The following LINGO2 variants were observed in gnomAD, a reference collection of about 807,000 sequenced individuals.
LINGO2 encodes the protein leucine-rich repeat and immunoglobulin-like domain-containing nogo receptor-interacting protein 2.
A neutral mutation model predicts 30.6 loss-of-function variants in LINGO2; 14 were observed. That is an observed-to-expected ratio of 0.46 (90% CI 0.30 to 0.72). LINGO2 has a LOEUF of 0.72. Ranked by LOEUF, LINGO2 falls within the 30% of genes least tolerant of loss-of-function variation. LINGO2 has a pLI of 0.07. For synonymous variants in LINGO2, 317 were observed against 288.5 expected (o/e 1.10, Z -1.00); for missense variants, 729 against 751.7 (o/e 0.97, Z 0.35).
At chr9:28,081,309 T>G (rs924550205) in intron 4 of LINGO2, among the ~76,000 whole-genome samples, 3 of 148,780 alleles carry the variant, frequency 2.0e-5, no homozygotes, top group Non-Finnish European at 4.5e-5. Context: ...AAAAAAAAAG[T>G]TCACATTCAC....
intron 2 of LINGO2, among the ~76,000 whole-genome samples, chr9:28,433,813 A>G (rs1823780172): frequency 6.6e-6 from 1 of 151,990 alleles, no homozygotes; most frequent in South Asian, 2.1e-4. Flanking sequence ...TATATGAAAA[A>G]GACACATGCA....
chr9:28,973,778 A>AT, the LINGO2 span, among the ~76,000 whole-genome samples: 2 of 152,178 alleles, frequency 1.3e-5, no homozygotes, highest in Non-Finnish European at 2.9e-5. Flanking sequence ...TTTACCTTAT[A>AT]ATAGTGTATC....
chr9:27,954,721 C>T (rs547900878), intron 5 of LINGO2, among the ~76,000 whole-genome samples: 2 of 152,228 alleles, frequency 1.3e-5, no homozygotes, highest in South Asian at 2.1e-4. Context: ...TAAAGACATA[C>T]CCAAGACTGG....
At chr9:28,577,962 CA>C (rs1824072726) in intron 1 of LINGO2, among the ~76,000 whole-genome samples, 1 of 151,998 alleles carries the variant, frequency 6.6e-6, no homozygotes, top group Admixed American at 6.6e-5. Context: ...GAGAAAGTGA[CA>C]GCATATGGGA....
intron 4 of LINGO2, among the ~76,000 whole-genome samples, chr9:28,236,443 A>G (rs1307568680): frequency 6.6e-6 from 1 of 152,200 alleles, no homozygotes; most frequent in Non-Finnish European, 1.5e-5. Context: ...TTAACACAGT[A>G]ATTGTAGTGT....
rs530869987 is a variant in LINGO2, at chr9:28,500,154, G to C, written c.-364-24129C>G. On this transcript the variant is annotated intron_variant, in intron 1 of 5. Transcript: ENST00000379992. The stretch of plus-strand genomic sequence containing the variant: ...AAACTCTGAATAGAGCCACTGTGTG[G>C]GTCTTCTGACTTTGAAGATTCCCAG... 1.3e-4 allele frequency among the ~76,000 whole-genome samples: 20 copies of C among 152,184 alleles called. No homozygotes were observed. The South Asian group carries it at 4.0e-3, about 30-fold the overall frequency.
At chr9:28,107,239 A>T (rs1187003010) in intron 4 of LINGO2, among the ~76,000 whole-genome samples, 1 of 152,224 alleles carries the variant, frequency 6.6e-6, no homozygotes, top group Admixed American at 6.5e-5. Context: ...CCAAACGTCT[A>T]TGAGGGCAGA....
At chr9:28,828,600 C>CT in the LINGO2 span, among the ~76,000 whole-genome samples, 224 of 144,790 alleles carry the variant, frequency 1.5e-3, 2 homozygotes, top group African/African-American at 4.3e-3. Context: ...TAGAGGCAAC[C>CT]TTTTTTTTTT....
At chr9:28,312,029 C>A (rs1192272074) in intron 3 of LINGO2, among the ~76,000 whole-genome samples, 2 of 152,162 alleles carry the variant, frequency 1.3e-5, no homozygotes, top group African/African-American at 2.4e-5. Context: ...TTCAGCCAGT[C>A]CCTCCGTTCG....
intron 2 of LINGO2, among the ~76,000 whole-genome samples, chr9:28,442,251 T>C (rs10121849): frequency 2.6e-5 from 4 of 151,922 alleles, no homozygotes; most frequent in Non-Finnish European, 5.9e-5. Flanking sequence ...AATAAGAAAA[T>C]AGCTAGCTAA....
chr9:28,402,465 A>G (rs755431820), intron 2 of LINGO2, among the ~76,000 whole-genome samples: 2 of 152,158 alleles, frequency 1.3e-5, no homozygotes, highest in Non-Finnish European at 2.9e-5. Flanking sequence ...AATGACAAGT[A>G]TAACAAAAAT....
rs190904545 is a variant in LINGO2 at position 28,003,547 on chromosome 9, C to T, written c.-36+8808G>A. 2.6e-5 allele frequency among the ~76,000 whole-genome samples: 4 copies of T among 152,234 alleles called. No homozygotes were observed. The East Asian group carries it at 7.7e-4, about 29-fold the overall frequency. On this transcript the variant is annotated intron_variant, in intron 5 of 5. Coordinates refer to ENST00000379992, the Ensembl canonical transcript of LINGO2. ...AATCTCGGCTCACTGCAAGCTCCGC[C>T]TCCCGAGTTCATGCCATTCTTCTCC... is the stretch of plus-strand genomic sequence containing the variant.
chr9:27,960,634 T>TC (rs1294746718), intron 5 of LINGO2, among the ~76,000 whole-genome samples: 1 of 145,472 alleles, frequency 6.9e-6, no homozygotes, highest in Non-Finnish European at 1.5e-5. Flanking sequence ...TTTTTTTTTT[T>TC]ACTTGTACAT....
chr9:28,168,423 A>C (rs973751736), intron 4 of LINGO2, among the ~76,000 whole-genome samples: 1 of 152,196 alleles, frequency 6.6e-6, no homozygotes, highest in Non-Finnish European at 1.5e-5. Context: ...ACTAGAAAAA[A>C]TTGTTTCCTT....
At chr9:28,172,020 AAAAAAAAAAAAAAC>A (rs1437415624) in intron 4 of LINGO2, among the ~76,000 whole-genome samples, 1 of 85,888 alleles carries the variant, frequency 1.2e-5, no homozygotes, top group East Asian at 2.5e-4. Flanking sequence ...CCGTCTCAAA[AAAAAAAAAAAAAAC>A]AAAAAAAAAA....
At chr9:28,957,140 ATTAC>A in the LINGO2 span, among the ~76,000 whole-genome samples, 1 of 152,236 alleles carries the variant, frequency 6.6e-6, no homozygotes, top group African/African-American at 2.4e-5. Flanking sequence ...AGAATAGCCT[ATTAC>A]TTAGTCTCTT....
At chr9:28,397,702 C>T (rs576222296) in intron 2 of LINGO2, among the ~76,000 whole-genome samples, 1 of 151,960 alleles carries the variant, frequency 6.6e-6, no homozygotes, top group Admixed American at 6.6e-5. Flanking sequence ...TGCCCGCCAC[C>T]ACGCCCAGCT....
intron 5 of LINGO2, among the ~76,000 whole-genome samples, chr9:27,976,663 A>T (rs1360076142): frequency 6.6e-6 from 1 of 152,064 alleles, no homozygotes; most frequent in Non-Finnish European, 1.5e-5. Flanking sequence ...TGGTTCCATC[A>T]TCTCTACTTT....
At chr9:28,913,370 C>G in the LINGO2 span, among the ~76,000 whole-genome samples, 1 of 152,040 alleles carries the variant, frequency 6.6e-6, no homozygotes, top group East Asian at 1.9e-4. Flanking sequence ...AAGGCAAAAG[C>G]AAGGTTTCCA....
Sources: allele counts gnomAD v4.1 joint callset (sites outside exome capture counted in the v4.1 genomes callset), GRCh38; gene constraint gnomAD v4.1.1; transcripts MANE v1.5; gene names NCBI Gene and HGNC (gene_info 2026-07-23, HGNC 2026-07-21).